The following LMO2 variants were observed in gnomAD, a reference collection of about 807,000 sequenced individuals.
LMO2 encodes rhombotin-2.
A neutral mutation model predicts 23.2 loss-of-function variants in LMO2; 20 were observed. The ratio of observed to expected loss-of-function variants is 0.86; its 90% CI spans 0.61 to 1.25. The LOEUF (loss-of-function observed/expected upper bound fraction) is 1.25, where lower values mean the gene tolerates loss of function less well. LMO2 is among the 50% of genes most tolerant of loss of function. The pLI, the probability that LMO2 is intolerant of heterozygous loss-of-function variation, is 0.00. For synonymous variants in LMO2, 123 were observed against 130.2 expected (o/e 0.94, Z 0.38); for missense variants, 270 against 315.3 (o/e 0.86, Z 1.09).
chr11:33,890,540 C>T (rs1309255949), intron 1 of LMO2, among the ~76,000 whole-genome samples: 1 of 152,100 alleles, frequency 6.6e-6, no homozygotes, highest in Non-Finnish European at 1.5e-5. Context: ...TTAGTAGAGA[C>T]AGGGTTTCAC....
At chr11:33,875,917 C>A (rs1354819563) in intron 2 of LMO2, among the ~76,000 whole-genome samples, 2 of 152,240 alleles carry the variant, frequency 1.3e-5, no homozygotes, top group African/African-American at 4.8e-5. Flanking sequence ...TCCAAATTCA[C>A]TGTGGCCTGG....
chr11:33,886,992 A>G (rs553941264), intron 1 of LMO2, among the ~76,000 whole-genome samples: 7 of 152,354 alleles, frequency 4.6e-5, no homozygotes, highest in East Asian at 1.9e-4. Context: ...TTGGTCTGAC[A>G]CCGATGCCTT....
At position 33,869,481 on chromosome 11, in the gene LMO2, G is replaced by GCGC. The variant is rs780680772; in HGVS notation, c.110_112dup (p.Gly37dup). 1.2e-4 allele frequency: 140 copies of GCGC among 1,206,596 alleles called. No individual in the cohort carries two copies. Among genetic ancestry groups the GCGC allele is most frequent in the African/African-American group, 8.3e-4 (51 of 61,802 alleles). The allele number at this position is 1,206,596 out of a possible 1,614,324, so 74.7% of individuals were successfully genotyped here. On this transcript the variant is annotated inframe_insertion, in exon 4 of 6. Coordinates refer to ENST00000257818, the MANE Select transcript of LMO2 (RefSeq NM_005574.4). ...GGCTCGGACCCCCTCGGGTGCTCGG[G>GCGC]CGCCGCCGCCGCCGCCGCCGTCGCC...
rs1375714047 is a variant in LMO2 at position 33,869,813 on chromosome 11, A to AGCCCCTC, written c.-104_-98dup. 6 of 1,093,664 alleles carry AGCCCCTC rather than the reference A, an allele frequency of 5.5e-6. No homozygotes were observed. The African/African-American group carries it at 1.0e-4, about 18-fold the overall frequency. 67.7% of individuals were successfully genotyped at this position (1,093,664 alleles called of 1,614,324 possible). ...GGTGTGCGCCCGCCCGGCCGCCCGG[A>AGCCCCTC]GCCCCTCGCACCTTCGGCCCGGGTC... On this transcript the variant is annotated 5_prime_UTR_variant, in exon 3 of 6. Transcript: ENST00000257818.
At chr11:33,859,965 G>C (rs1329649964) in intron 5 of LMO2, among the ~76,000 whole-genome samples, 1 of 152,112 alleles carries the variant, frequency 6.6e-6, no homozygotes, top group Non-Finnish European at 1.5e-5. Context: ...GCTGGAGAGA[G>C]ACCCTAGGGG....
At chr11:33,867,412 T>C (rs947939723) in intron 4 of LMO2, among the ~76,000 whole-genome samples, 2 of 152,192 alleles carry the variant, frequency 1.3e-5, no homozygotes, top group African/African-American at 4.8e-5. Flanking sequence ...ATTGGCTCTG[T>C]CTTTCTATAC....
At chr11:33,870,386 G>A (rs144459005) in intron 2 of LMO2, 27,408 of 985,508 alleles carry the variant, frequency 0.028, 450 homozygotes, top group Non-Finnish European at 0.031. Context: ...CCCGTCCCAG[G>A]TTCGAGGTCC....
intron 2 of LMO2, among the ~76,000 whole-genome samples, chr11:33,878,753 G>T (rs3758639): frequency 0.06 from 9,180 of 152,194 alleles, 714 homozygotes; most frequent in East Asian, 0.18. Context: ...TATAGCCCTT[G>T]GTCCTAGTGC....
At chr11:33,862,442 TC>T (rs1405305182) in intron 5 of LMO2, among the ~76,000 whole-genome samples, 1 of 152,172 alleles carries the variant, frequency 6.6e-6, no homozygotes, top group African/African-American at 2.4e-5. Context: ...GAGATCTGGC[TC>T]AGCACAGACA....
intron 2 of LMO2, among the ~76,000 whole-genome samples, chr11:33,871,537 C>T (rs1245141157): frequency 8.0e-6 from 1 of 124,856 alleles, no homozygotes; most frequent in Non-Finnish European, 1.6e-5. Context: ...CATTGCCCCC[C>T]AGTCTGGGGA....
In LMO2 at chr11:33,864,715, C is replaced by A; in HGVS notation, c.351G>T (p.Gln117His). The part of the protein sequence containing the change: ...GDRYFLKAID[Q>H]YWHEDCLSCD... ...AGCTCAGGCAGTCCTCGTGCCAGTA[C>A]TGGTCGATGGCCTTCAGGAAGTAGC... is the stretch of plus-strand genomic sequence containing the variant. The change falls in exon 5 of 6, where the codon CAG becomes CAT. Residue 117 changes from glutamine (Q) to histidine (H), a missense_variant. Gln to His is a conservative substitution (Grantham distance 24). Coordinates refer to ENST00000257818, the MANE Select transcript of LMO2 (RefSeq NM_005574.4). The surrounding 1 kb of genome is among the most constrained non-coding windows in gnomAD (Gnocchi z 4.8). The A allele has an allele frequency of 1.2e-6, 2 of 1,614,068 alleles. No homozygotes were observed. Among genetic ancestry groups the A allele is most frequent in the Non-Finnish European group, 1.7e-6 (2 of 1,180,018 alleles).
chr11:33,877,624 C>CTGGCTAATTTT lies in LMO2; in HGVS notation c.-272+4189_-272+4199dup, dbSNP rs1857167419. ...GGACTATAGGTGCACACTACCACGC[C>CTGGCTAATTTT]TGGCTAATTTTTGTATTTGTAGTAG... is the stretch of plus-strand genomic sequence containing the variant. On this transcript the variant is annotated intron_variant, in intron 2 of 5. Coordinates refer to ENST00000257818, the MANE Select transcript of LMO2 (RefSeq NM_005574.4). 2.0e-5 allele frequency among the ~76,000 whole-genome samples: 3 copies of CTGGCTAATTTT among 151,976 alleles called. No homozygotes were observed. In the South Asian group the frequency reaches 6.2e-4, roughly 32 times the overall value.
At position 33,858,981 on chromosome 11, in the gene LMO2, A is replaced by G. The variant is rs770517908; in HGVS notation, c.*375T>C. ...GAAAAGAAATCAATTGCACATCTCTAGTTCGCAAGCGTCAAAGTCACAACA... is the reference window on the plus strand; with the variant it reads ...GAAAAGAAATCAATTGCACATCTCTGGTTCGCAAGCGTCAAAGTCACAACA... On this transcript the variant is annotated 3_prime_UTR_variant, in exon 6 of 6. Transcript: ENST00000257818. The G allele has an allele frequency of 2.2e-5, 6 of 268,552 alleles. No homozygotes were observed. The highest frequency in any genetic ancestry group is 3.6e-5 in the Non-Finnish European group (5 of 138,268). 16.6% of individuals were successfully genotyped at this position (268,552 alleles called of 1,614,324 possible).
intron 2 of LMO2, among the ~76,000 whole-genome samples, chr11:33,876,253 C>G (rs912357714): frequency 2.0e-5 from 3 of 152,174 alleles, no homozygotes; most frequent in African/African-American, 7.2e-5. Flanking sequence ...TTTCTCTTTA[C>G]TACAGATGTA....
Position 33,864,653 on chromosome 11 carries a change from C to T in LMO2, c.413G>A (p.Arg138Gln). ...CCGGCCCAGTTTGTAGTAGAGGCGC[C>T]GCCCCACCTCACCCAGCCGGCAGCC... ...LCGCRLGEVGRRLYYKLGRKL... is the reference protein window; with the variant it reads ...LCGCRLGEVGQRLYYKLGRKL... The change falls in exon 5 of 6, where the codon CGG (arginine) becomes CAG (glutamine). Residue 138 changes from arginine to glutamine, a missense_variant. Transcript: ENST00000257818. The surrounding 1 kb of genome is among the most constrained non-coding windows in gnomAD (Gnocchi z 4.8). 9 of 1,613,942 alleles carry T rather than the reference C, an allele frequency of 5.6e-6. No individual in the cohort carries two copies. Among genetic ancestry groups the T allele is most frequent in the African/African-American group, 2.7e-5 (2 of 75,050 alleles).
chr11:33,890,509 G>A (rs1452149857), intron 1 of LMO2, among the ~76,000 whole-genome samples: 1 of 151,944 alleles, frequency 6.6e-6, no homozygotes, highest in Non-Finnish European at 1.5e-5. Context: ...GAGCCACCAC[G>A]CGTGGCTAAT....
chr11:33,862,688 C>G (rs532680179), intron 5 of LMO2, among the ~76,000 whole-genome samples: 1 of 152,184 alleles, frequency 6.6e-6, no homozygotes, highest in African/African-American at 2.4e-5. Context: ...GCCAGATATA[C>G]TAAGAATGCC....
chr11:33,868,702 C>CT (rs1221434748), intron 4 of LMO2, among the ~76,000 whole-genome samples: 1 of 152,200 alleles, frequency 6.6e-6, no homozygotes, highest in Non-Finnish European at 1.5e-5. Context: ...GGTGCATTAA[C>CT]TTTCGAGGTT....
At chr11:33,878,803 T>C (rs1206775820) in intron 2 of LMO2, among the ~76,000 whole-genome samples, 3 of 152,232 alleles carry the variant, frequency 2.0e-5, no homozygotes, top group African/African-American at 7.2e-5. Context: ...TGCAATGCAA[T>C]AATTTCACGT....
Sources: allele counts gnomAD v4.1 joint callset (sites outside exome capture counted in the v4.1 genomes callset), GRCh38; gene constraint gnomAD v4.1.1; non-coding constraint Gnocchi (gnomAD v3.1); transcripts MANE v1.5; gene names NCBI Gene and HGNC (gene_info 2026-07-23, HGNC 2026-07-21).